Variants in NOX4 observed in about 807,000 individuals in gnomAD.
The protein encoded by NOX4 is NADPH oxidase 4, also known as kidney oxidase-1.
Under a neutral mutation model 87.6 loss-of-function variants are expected in NOX4, and 69 were observed. The ratio of observed to expected loss-of-function variants is 0.79; its 90% confidence interval spans 0.65 to 0.96. The LOEUF (loss-of-function observed/expected upper bound fraction) is 0.96. Ranked by LOEUF, NOX4 falls within the 40% of genes least tolerant of loss-of-function variation. The pLI is 0.00. For missense variants in NOX4, 680 were observed against 681.5 expected (o/e 1.00, Z 0.02); for synonymous variants, 275 against 238.2 (o/e 1.15, Z -1.42).
chr11:89,472,023 T>G (rs1945966230), intron 2 of NOX4, among the ~76,000 whole-genome samples: 1 of 152,224 alleles, frequency 6.6e-6, no homozygotes, highest in South Asian at 2.1e-4. Flanking sequence ...TTTACAGGCA[T>G]GAGCTACTGC....
At chr11:89,375,132 C>T (rs1216922530) in intron 11 of NOX4, among the ~76,000 whole-genome samples, 1 of 151,990 alleles carries the variant, frequency 6.6e-6, no homozygotes, top group Non-Finnish European at 1.5e-5. Context: ...CATGGAATGT[C>T]CAAGCTACTA....
At chr11:89,363,652 G>T (rs1938707380) in intron 12 of NOX4, among the ~76,000 whole-genome samples, 1 of 152,048 alleles carries the variant, frequency 6.6e-6, no homozygotes, top group African/African-American at 2.4e-5. Flanking sequence ...TTAGAAGTAT[G>T]CATATTAATC....
Position 89,325,865 on chromosome 11 carries a change from G to C in NOX4, c.*891C>G, listed in dbSNP as rs969864791. On this transcript the variant is annotated 3_prime_UTR_variant, in exon 18 of 18. Transcript: ENST00000263317. ...TAGAGACAAAAATGCTGAAAAAAGG[G>C]AAAAGTTATTAGTATATGTGTATAT... is the stretch of plus-strand genomic sequence containing the variant. 6.8e-6 allele frequency: 1 copy of C among 147,306 alleles called. No individual in the cohort carries two copies. Among genetic ancestry groups the C allele is most frequent in the African/African-American group, 2.5e-5 (1 of 40,084 alleles). The allele number at this position is 147,306 out of a possible 1,614,324, so 9.1% of individuals were successfully genotyped here.
At chr11:89,561,050 C>CATATAT in the NOX4 span, among the ~76,000 whole-genome samples, 1,301 of 28,488 alleles carry the variant, frequency 0.046, 71 homozygotes, top group Middle Eastern at 0.091. Context: ...ATATATCATA[C>CATATAT]ATATATATAT....
At chr11:89,588,672 G>C in the NOX4 span, among the ~76,000 whole-genome samples, 1 of 152,108 alleles carries the variant, frequency 6.6e-6, no homozygotes, top group Admixed American at 6.6e-5. Flanking sequence ...AGCAATCTTT[G>C]TGAAAAAATG....
intron 11 of NOX4, among the ~76,000 whole-genome samples, chr11:89,383,772 C>T (rs1940474117): frequency 6.6e-6 from 1 of 152,144 alleles, no homozygotes; most frequent in Admixed American, 6.5e-5. Flanking sequence ...TTATCTGCTT[C>T]CCTGACTATT....
chr11:89,387,986 G>C (rs1408159714), intron 11 of NOX4, among the ~76,000 whole-genome samples: 1 of 152,056 alleles, frequency 6.6e-6, no homozygotes, highest in Admixed American at 6.6e-5. Flanking sequence ...TCAACAAATG[G>C]GTTCCAGCTA....
chr11:89,553,577 T>C, the NOX4 span, among the ~76,000 whole-genome samples: 1 of 152,054 alleles, frequency 6.6e-6, no homozygotes, highest in South Asian at 2.1e-4. Flanking sequence ...AAATAATCTC[T>C]CAATCTAGAA....
intron 16 of NOX4, 66 bp downstream of exon 16, chr11:89,337,381 C>T: frequency 6.3e-7 from 1 of 1,598,582 alleles, no homozygotes; most frequent in East Asian, 2.2e-5. Context: ...TTTCTTCCAC[C>T]ACAGCTCCTA....
chr11:89,469,549 T>C (rs1490134737), intron 2 of NOX4, among the ~76,000 whole-genome samples: 1 of 152,142 alleles, frequency 6.6e-6, no homozygotes, highest in Non-Finnish European at 1.5e-5. Flanking sequence ...AAATCTGTAG[T>C]TCTTTCATGG....
At chr11:89,410,867 C>T (rs1847143) in intron 8 of NOX4, among the ~76,000 whole-genome samples, 3 of 151,684 alleles carry the variant, frequency 2.0e-5, no homozygotes, top group Admixed American at 1.3e-4. Flanking sequence ...GGGTGGCACA[C>T]GCCCCAGTGA....
At chr11:89,509,453 C>A in the NOX4 span, among the ~76,000 whole-genome samples, 1 of 151,984 alleles carries the variant, frequency 6.6e-6, no homozygotes, top group African/African-American at 2.4e-5. Context: ...AAGACAAATT[C>A]TTCAGTCCAG....
At chr11:89,419,406 A>C (rs912552859) in intron 8 of NOX4, among the ~76,000 whole-genome samples, 2 of 152,024 alleles carry the variant, frequency 1.3e-5, no homozygotes, top group African/African-American at 2.4e-5. Context: ...TTATAAGCCA[A>C]TCCTTCATCA....
chr11:89,446,437 T>C (rs1191027578), intron 4 of NOX4, among the ~76,000 whole-genome samples: 1 of 152,110 alleles, frequency 6.6e-6, no homozygotes, highest in Non-Finnish European at 1.5e-5. Context: ...GCTTTATTCA[T>C]TATTGTCGAA....
chr11:89,566,200 G>A, the NOX4 span, among the ~76,000 whole-genome samples: 1,258 of 151,852 alleles, frequency 8.3e-3, 9 homozygotes, highest in South Asian at 0.045. Context: ...CAGCCACAAC[G>A]CCCAGCTAAT....
intron 2 of NOX4, among the ~76,000 whole-genome samples, chr11:89,473,503 C>T (rs1000443519): frequency 7.9e-5 from 12 of 151,708 alleles, no homozygotes; most frequent in African/African-American, 2.9e-4. Flanking sequence ...GACAATGATA[C>T]CTCTTCATTT....
chr11:89,395,988 C>T lies in NOX4; in HGVS notation c.1074+4029G>A, dbSNP rs539277167. 2.0e-4 allele frequency among the ~76,000 whole-genome samples: 30 copies of T among 152,234 alleles called. No individual in the cohort carries two copies. In the South Asian group the frequency reaches 2.3e-3, roughly 12 times the overall value. On this transcript the variant is annotated intron_variant, in intron 11 of 17. Transcript: ENST00000263317. Reference sequence around the variant, plus strand: ...CTTAGGATTGTCTTGGCAATACAGGCTCTTTTATGGTTCCATAGGAACTTT... The same window carrying T: ...CTTAGGATTGTCTTGGCAATACAGGTTCTTTTATGGTTCCATAGGAACTTT...
intron 6 of NOX4, among the ~76,000 whole-genome samples, chr11:89,439,179 A>T (rs1944350933): frequency 6.7e-6 from 1 of 149,888 alleles, no homozygotes; most frequent in Non-Finnish European, 1.5e-5. Context: ...CTTCAATTAA[A>T]CTTTATGTTT....
chr11:89,464,715 C>T (rs1591321295), intron 2 of NOX4, among the ~76,000 whole-genome samples: 1 of 152,144 alleles, frequency 6.6e-6, no homozygotes, highest in South Asian at 2.1e-4. Context: ...TTTCAAGTTA[C>T]AAGTCCCACC....
Sources: allele counts gnomAD v4.1 joint callset (sites outside exome capture counted in the v4.1 genomes callset), GRCh38; gene constraint gnomAD v4.1.1; transcripts MANE v1.5; gene names NCBI Gene and HGNC (gene_info 2026-07-23, HGNC 2026-07-21).